DHX38: variants seen among roughly 807,000 people sequenced by gnomAD.
DHX38 encodes the protein pre-mRNA-splicing factor ATP-dependent RNA helicase PRP16.
Under a neutral mutation model 153.1 loss-of-function variants are expected in DHX38, and 100 were observed. The observed-to-expected ratio is 0.65, with a 90% CI of 0.56 to 0.77. The LOEUF is 0.77. DHX38 is among the 30% of genes least tolerant of loss of function. The pLI is 0.00. For missense variants in DHX38, 1,440 were observed against 1,654.0 expected (o/e 0.87, Z 2.24); for synonymous variants, 650 against 631.7 (o/e 1.03, Z -0.43).
rs376787122 is a variant in DHX38, at chr16:72,108,481, G to C, written c.3129G>C (p.Glu1043Asp). The C allele has an allele frequency of 8.7e-6, 14 of 1,614,052 alleles. No homozygotes were observed. The highest frequency in any genetic ancestry group is 2.5e-6 in the Non-Finnish European group (3 of 1,180,026). The change falls in exon 23 of 27, where the codon GAG becomes GAC. Residue 1043 changes from glutamate (E) to aspartate (D), a missense_variant. By Grantham distance (45) the Glu-to-Asp change is conservative. Transcript: ENST00000268482. ...IHAKAMRKVREVRAQLKDIMV... is the reference protein window; with the variant it reads ...IHAKAMRKVRDVRAQLKDIMV... Reference sequence around the variant, plus strand: ...TCCGTCTCCTGCCCTAGGTCCGGGAGGTGCGAGCTCAACTCAAGGACATCA... The same window carrying C: ...TCCGTCTCCTGCCCTAGGTCCGGGACGTGCGAGCTCAACTCAAGGACATCA...
chr16:72,096,046 G>T, intron 1 of DHX38, 93 bp from the exon 2 acceptor site: 2 of 1,328,250 alleles, frequency 1.5e-6, no homozygotes, highest in Non-Finnish European at 2.0e-6. Context: ...GATGGGGAAG[G>T]TTAATCACCT....
chr16:72,108,950 A>G (rs377495534), intron 24 of DHX38, 25 bp downstream of exon 24: 175 of 1,579,348 alleles, frequency 1.1e-4, no homozygotes, highest in South Asian at 5.7e-4. Context: ...AGGCACTTGC[A>G]TAATGCAGGC....
rs993931872 is a variant in DHX38 at position 72,108,995 on chromosome 16, C to A, written c.3381+70C>A. 2.6e-6 allele frequency: 4 copies of A among 1,521,072 alleles called. No homozygotes were observed. In the Admixed American group the frequency reaches 8.8e-5, roughly 33 times the overall value. The allele number at this position is 1,521,072 out of a possible 1,614,324, so 94.2% of individuals were successfully genotyped here. A position where few individuals can be genotyped will look rare whatever the true frequency, so the allele number is the denominator to read the frequency against. On this transcript the variant is annotated intron_variant, in intron 24 of 26. Transcript: ENST00000268482. ...GGCCAGGCTTTGAAACCCTTCACTGCGTTCTGGCATGAGCTTTTAGCCTGG... is the reference window on the plus strand; with the variant it reads ...GGCCAGGCTTTGAAACCCTTCACTGAGTTCTGGCATGAGCTTTTAGCCTGG...
At chr16:72,097,357 C>T in intron 3 of DHX38, 1 of 403,942 alleles carries the variant, frequency 2.5e-6, no homozygotes, top group Non-Finnish European at 4.5e-6. Flanking sequence ...AAATCCAATG[C>T]TGTCCTTGCT....
intron 1 of DHX38, among the ~76,000 whole-genome samples, chr16:72,095,321 AT>A (rs1458323160): frequency 2.0e-5 from 3 of 152,200 alleles, no homozygotes; most frequent in African/African-American, 7.2e-5. Flanking sequence ...GTGAACATGG[AT>A]TGTTATTAAA....
At position 72,103,147 on chromosome 16, in the gene DHX38, A is replaced by G. The variant is rs753798741; in HGVS notation, c.1573A>G (p.Ile525Val). 2.5e-6 allele frequency: 4 copies of G among 1,614,254 alleles called. No homozygotes were observed. The highest frequency in any genetic ancestry group is 1.1e-5 in the South Asian group (1 of 91,086). ...CAGTGAATTTGCAAAGAAGAAGTCC[A>G]TCCTGGAGCAGAGGCAGTACCTGCC... ...ASSEFAKKKS[I>V]LEQRQYLPIF... The change falls in exon 12 of 27, where the codon ATC becomes GTC. Residue 525 changes from isoleucine to valine, a missense_variant. Transcript: ENST00000268482.
intron 2 of DHX38, 87 bp from the exon 3 acceptor site, chr16:72,096,735 C>T: frequency 1.3e-6 from 2 of 1,516,604 alleles, no homozygotes; most frequent in South Asian, 1.3e-5. Flanking sequence ...TGGAAAAGGA[C>T]AGATCACTTG....
intron 5 of DHX38, 38 bp from the exon 6 acceptor site, chr16:72,098,889 C>T (rs1249897065): frequency 1.2e-6 from 2 of 1,614,110 alleles, no homozygotes; most frequent in Non-Finnish European, 1.7e-6. Context: ...TGGCTTAGCT[C>T]AGTGACAGTT....
At chr16:72,096,702 G>A (rs2042023972) in intron 2 of DHX38, 120 bp from the exon 3 acceptor site, 3 of 1,488,930 alleles carry the variant, frequency 2.0e-6, no homozygotes, top group Non-Finnish European at 1.8e-6. Context: ...CCATATGTGA[G>A]CCTGCGTCCC....
intron 4 of DHX38, 118 bp downstream of exon 4, chr16:72,097,899 A>G (rs559408140): frequency 1.7e-4 from 171 of 984,214 alleles, no homozygotes; most frequent in Non-Finnish European, 2.6e-4. Flanking sequence ...TTCTACCATG[A>G]ACATCTTGGG....
Position 72,112,559 on chromosome 16 carries a change from C to A in DHX38, c.*62C>A. ...TGGGTCCTCAGCCTTCTGGCGGGAGCCCTGAGGCTGCGGACAAAGCCCTTT... is the reference window on the plus strand; with the variant it reads ...TGGGTCCTCAGCCTTCTGGCGGGAGACCTGAGGCTGCGGACAAAGCCCTTT... On this transcript the variant is annotated 3_prime_UTR_variant, in exon 27 of 27. Coordinates refer to ENST00000268482, the MANE Select transcript of DHX38 (RefSeq NM_014003.4). 6.4e-7 allele frequency: 1 copy of A among 1,566,402 alleles called. No homozygotes were observed.
intron 9 of DHX38, 136 bp downstream of exon 9, chr16:72,100,733 C>T: frequency 7.8e-7 from 1 of 1,277,876 alleles, no homozygotes; most frequent in Non-Finnish European, 1.1e-6. Context: ...GAGTTCAAGG[C>T]CTGCCTGGGC....
chr16:72,101,314 C>A, intron 10 of DHX38, 121 bp downstream of exon 10: 1 of 1,227,998 alleles, frequency 8.1e-7, no homozygotes, highest in Non-Finnish European at 1.1e-6. Flanking sequence ...AGTCCTTAGG[C>A]CCGACAGCTG....
chr16:72,106,654 G>A (rs2287997), intron 19 of DHX38, among the ~76,000 whole-genome samples: 25,939 of 151,862 alleles, frequency 0.17, 2,668 homozygotes, highest in South Asian at 0.39. Flanking sequence ...TTGCTATGTT[G>A]CCCAGGCTGG....
At position 72,105,554 on chromosome 16, in the gene DHX38, A is replaced by C; in HGVS notation, c.2417A>C (p.Asn806Thr). The change falls in exon 18 of 27, where the codon AAT (asparagine) becomes ACT (threonine). Residue 806 changes from asparagine (N) to threonine (T), a missense_variant. Transcript: ENST00000268482. ...DGVRKCIVATNIAETSLTVDG... is the reference protein window; with the variant it reads ...DGVRKCIVATTIAETSLTVDG... ...GTTCGGAAGTGCATCGTTGCCACCA[A>C]TATTGCCGAGACGTCTCTCACTGTT... is the stretch of plus-strand genomic sequence containing the variant. 6.2e-7 allele frequency: 1 copy of C among 1,614,114 alleles called. No homozygotes were observed. The highest frequency in any genetic ancestry group is 8.5e-7 in the Non-Finnish European group (1 of 1,180,018).
chr16:72,110,896 C>A, intron 25 of DHX38, 60 bp from the exon 26 acceptor site: 1 of 1,516,566 alleles, frequency 6.6e-7, no homozygotes, highest in South Asian at 1.3e-5. Context: ...TGGGTGCCGA[C>A]GAGGCCTCCT....
At chr16:72,099,564 TCTC>T (rs10611244) in intron 7 of DHX38, among the ~76,000 whole-genome samples, 165 bp from the exon 8 acceptor site, 68,456 of 151,736 alleles carry the variant, frequency 0.45, 17,476 homozygotes, top group African/African-American at 0.71. Flanking sequence ...CCACTGTGGT[TCTC>T]CTCCAGATGG....
At chr16:72,099,497 G>A (rs1191442552) in intron 7 of DHX38, among the ~76,000 whole-genome samples, 1 of 152,204 alleles carries the variant, frequency 6.6e-6, no homozygotes, top group African/African-American at 2.4e-5. Flanking sequence ...GTGCCACCAT[G>A]TGGTAAATCT....
chr16:72,093,929 G>A lies in DHX38; in HGVS notation c.-142G>A, dbSNP rs1403317000. ...ATAGAGGGGGCGCGCAAAGTATTAA[G>A]GGACAATAATGGCCGCTTTCAAGGT... On this transcript the variant is annotated 5_prime_UTR_variant, in exon 1 of 27. Coordinates refer to ENST00000268482, the MANE Select transcript of DHX38 (RefSeq NM_014003.4). The A allele has an allele frequency of 6.6e-6, 1 of 152,290 alleles. No homozygotes were observed. Among genetic ancestry groups the A allele is most frequent in the South Asian group, 2.1e-4 (1 of 4,840 alleles). 9.4% of individuals were successfully genotyped at this position (152,290 alleles called of 1,614,324 possible).
Sources: gnomAD v4.1 joint callset for allele counts (sites outside exome capture counted in the v4.1 genomes callset) on GRCh38, gnomAD v4.1.1 for gene constraint, MANE v1.5 for transcripts, NCBI Gene and HGNC (gene_info 2026-07-23, HGNC 2026-07-21) for gene names.